Variants in ZNF765 observed in about 807,000 individuals in gnomAD.
ZNF765 encodes zinc finger protein 765.
ZNF765 carries 37 observed loss-of-function variants against 44.7 expected under a neutral mutation model. That is an observed-to-expected ratio of 0.83 (90% confidence interval 0.64 to 1.09). The LOEUF (loss-of-function observed/expected upper bound fraction) is 1.09. Ranked by LOEUF, ZNF765 falls within the 50% of genes least tolerant of loss-of-function variation. The pLI is 0.00. For missense variants in ZNF765, 594 were observed against 626.1 expected, an observed-to-expected ratio of 0.95 and a Z score of 0.55; for synonymous variants, 201 against 213.7, an observed-to-expected ratio of 0.94 and a Z score of 0.52.
chr19:53,401,492 G>A (rs1278015335), intron 2 of ZNF765, among the ~76,000 whole-genome samples: 1 of 151,730 alleles, frequency 6.6e-6, no homozygotes, highest in African/African-American at 2.4e-5. Flanking sequence ...GAACCGGGGA[G>A]GCGGAGCTTG....
chr19:53,405,950 T>TAA (rs1555832277), intron 3 of ZNF765, among the ~76,000 whole-genome samples: 1 of 117,602 alleles, frequency 8.5e-6, no homozygotes, highest in Non-Finnish European at 1.8e-5. Flanking sequence ...TATATATATA[T>TAA]AAAATTGCTG....
chr19:53,422,196 G>T (rs1214575140), intron 3 of ZNF765, among the ~76,000 whole-genome samples: 1 of 152,170 alleles, frequency 6.6e-6, no homozygotes, highest in South Asian at 2.1e-4. Flanking sequence ...GTATAAAATA[G>T]AAATTAAATA....
At chr19:53,399,552 G>C (rs1311994255) in intron 2 of ZNF765, among the ~76,000 whole-genome samples, 1 of 151,874 alleles carries the variant, frequency 6.6e-6, no homozygotes, top group Non-Finnish European at 1.5e-5. Flanking sequence ...GTGATGGCAC[G>C]TGCCCCTAAT....
In ZNF765 at chr19:53,407,996, T is replaced by C. The variant is rs1353529738; in HGVS notation, c.441T>C (p.His147=). ...KYQLGFSFHS[H]LPELHIFHTE... ...AGCTTGGATTCAGCTTTCATTCGCA[T>C]CTGCCTGAACTGCACATATTTCACA... is the stretch of plus-strand genomic sequence containing the variant. Residue 147 remains histidine, a synonymous_variant, in exon 4 of 4, where the codon CAT becomes CAC. Coordinates refer to ENST00000396408, the MANE Select transcript of ZNF765 (RefSeq NM_001040185.3). 2.5e-6 allele frequency: 4 copies of C among 1,614,090 alleles called. No individual in the cohort carries two copies. The African/African-American group carries it at 5.3e-5, about 22-fold the overall frequency.
At chr19:53,398,874 C>G (rs540336540) in intron 2 of ZNF765, among the ~76,000 whole-genome samples, 1 of 151,862 alleles carries the variant, frequency 6.6e-6, no homozygotes, top group Middle Eastern at 3.4e-3. Context: ...CTCAGCCTCC[C>G]GAGTAGCTGG....
intron 3 of ZNF765, among the ~76,000 whole-genome samples, 172 bp from the exon 4 acceptor site, chr19:53,407,526 A>G (rs2085786585): frequency 6.6e-6 from 1 of 152,180 alleles, no homozygotes; most frequent in African/African-American, 2.4e-5. Flanking sequence ...TTTGAAGCAC[A>G]TGTAATCGCC....
chr19:53,412,507 T>G (rs2085841592), downstream of ZNF765, among the ~76,000 whole-genome samples: 3 of 152,200 alleles, frequency 2.0e-5, no homozygotes, highest in Admixed American at 1.3e-4. Context: ...TGCACCAAAT[T>G]AAACTGGTAC....
At chr19:53,396,182 G>A (rs375810596) in intron 1 of ZNF765, among the ~76,000 whole-genome samples, 57 of 152,124 alleles carry the variant, frequency 3.7e-4, no homozygotes, top group Middle Eastern at 3.4e-3. Flanking sequence ...CTGGTGGCAA[G>A]GAGAACAGAG....
At chr19:53,400,654 T>TA (rs1193214588) in intron 2 of ZNF765, among the ~76,000 whole-genome samples, 2 of 151,660 alleles carry the variant, frequency 1.3e-5, no homozygotes, top group African/African-American at 2.4e-5. Context: ...CATGCACAAA[T>TA]ATATATATTT....
At chr19:53,423,165 C>G (rs1188519067) in exon 4 of ZNF765, 1 of 699,866 alleles carries the variant, frequency 1.4e-6, no homozygotes, top group Non-Finnish European at 2.6e-6. Flanking sequence ...AAAGGGAACG[C>G]CCCCAAGCAC....
At chr19:53,421,984 C>T (rs998480214) in intron 3 of ZNF765, among the ~76,000 whole-genome samples, 5 of 151,944 alleles carry the variant, frequency 3.3e-5, no homozygotes, top group Admixed American at 3.3e-4. Context: ...GATATGGGGT[C>T]GACTTTTTAA....
downstream of ZNF765, among the ~76,000 whole-genome samples, chr19:53,412,512 TG>T (rs1429226649): frequency 1.3e-5 from 2 of 152,208 alleles, no homozygotes; most frequent in Admixed American, 1.3e-4. Flanking sequence ...CAAATTAAAC[TG>T]GTACAAGTCT....
chr19:53,416,201 A>C (rs1392747802), downstream of ZNF765, among the ~76,000 whole-genome samples: 1 of 152,094 alleles, frequency 6.6e-6, no homozygotes, highest in East Asian at 1.9e-4. Flanking sequence ...TGATCCACCC[A>C]CCTCGGCCTT....
At chr19:53,398,585 C>T (rs1012674093) in intron 2 of ZNF765, among the ~76,000 whole-genome samples, 1 of 151,926 alleles carries the variant, frequency 6.6e-6, no homozygotes, top group South Asian at 2.1e-4. Context: ...TGTTTTATTC[C>T]GTCTTTATTT....
At chr19:53,417,955 C>T (rs1568787808) in intron 3 of ZNF765, among the ~76,000 whole-genome samples, 2 of 152,174 alleles carry the variant, frequency 1.3e-5, no homozygotes, top group African/African-American at 2.4e-5. Flanking sequence ...CTCAGTATTT[C>T]CTGCTTCCTT....
intron 2 of ZNF765, 63 bp from the exon 3 acceptor site, chr19:53,402,002 C>T: frequency 4.3e-6 from 7 of 1,613,844 alleles, no homozygotes; most frequent in Non-Finnish European, 5.1e-6. Flanking sequence ...CTCTTCTTCT[C>T]ATTTTCTGTA....
chr19:53,400,914 C>T (rs533067055), intron 2 of ZNF765, among the ~76,000 whole-genome samples: 70 of 151,898 alleles, frequency 4.6e-4, no homozygotes, highest in Non-Finnish European at 9.0e-4. Context: ...CTCACTGAAA[C>T]CTCCACCCTG....
intron 1 of ZNF765, among the ~76,000 whole-genome samples, chr19:53,395,575 A>C (rs11666574): frequency 2.6e-5 from 4 of 152,042 alleles, no homozygotes; most frequent in Non-Finnish European, 4.4e-5. Context: ...CCCCAGCCCC[A>C]AGGAGGCCGC....
rs529060343 is a variant in ZNF765, at chr19:53,409,311, T to C, written c.*184T>C. The C allele has an allele frequency of 1.4e-3, 1,295 of 904,060 alleles. 25 individuals are homozygous for C. The South Asian group carries it at 0.017, about 12-fold the overall frequency. The allele number at this position is 904,060 out of a possible 1,614,324, so 56.0% of individuals were successfully genotyped here. On this transcript the variant is annotated 3_prime_UTR_variant, in exon 4 of 4. Coordinates refer to ENST00000396408, the MANE Select transcript of ZNF765 (RefSeq NM_001040185.3). ...CAAGTGTAATGAGTGTGGCAAGACCTTGAGTCATACGTCATCTTTTGTGTA... is the reference window on the plus strand; with the variant it reads ...CAAGTGTAATGAGTGTGGCAAGACCCTGAGTCATACGTCATCTTTTGTGTA...
Sources: allele counts gnomAD v4.1 joint callset (sites outside exome capture counted in the v4.1 genomes callset), GRCh38; gene constraint gnomAD v4.1.1; transcripts MANE v1.5; gene names NCBI Gene and HGNC (gene_info 2026-07-23, HGNC 2026-07-21).